FARP1: variants seen among roughly 807,000 people sequenced by gnomAD.
FARP1 encodes the protein FERM, ARH/RhoGEF and pleckstrin domain protein 1, also known as FERM, ARHGEF and pleckstrin domain-containing protein 1.
Under a neutral mutation model 128.8 loss-of-function variants are expected in FARP1, and 52 were observed. That is an observed-to-expected ratio of 0.40 (90% CI 0.32 to 0.51). The LOEUF (loss-of-function observed/expected upper bound fraction) is 0.51. FARP1 is among the 20% of genes least tolerant of loss of function. The pLI is 0.45. For missense variants in FARP1, 1,333 were observed against 1,367.9 expected (o/e 0.97, Z 0.40); for synonymous variants, 580 against 551.8 (o/e 1.05, Z -0.72).
chr13:98,351,343 T>C (rs1888412834), intron 3 of FARP1, among the ~76,000 whole-genome samples: 1 of 152,098 alleles, frequency 6.6e-6, no homozygotes, highest in Admixed American at 6.5e-5. Context: ...CCGGGCGCGG[T>C]GGCTCACGCC....
chr13:98,155,144 C>G (rs1039487905), intron 1 of FARP1, among the ~76,000 whole-genome samples: 1 of 151,978 alleles, frequency 6.6e-6, no homozygotes, highest in Non-Finnish European at 1.5e-5. Flanking sequence ...GTTGGGAGTT[C>G]GAGACCAGCC....
At chr13:98,256,957 A>ATATATATATGTATATG (rs1566801090) in intron 2 of FARP1, among the ~76,000 whole-genome samples, 1 of 83,860 alleles carries the variant, frequency 1.2e-5, no homozygotes, top group Non-Finnish European at 2.1e-5. Flanking sequence ...GGATATATAT[A>ATATATATATGTATATG]TATATATATA....
At position 98,322,129 on chromosome 13, in the gene FARP1, C is replaced by T. The variant is rs547668676; in HGVS notation, c.172-21633C>T. ...CCTGGCCAATGTGGTGAAACCCTGT[C>T]TCTACTAAAAATATAAAAATGAGTG... On this transcript the variant is annotated intron_variant, in intron 2 of 26. Transcript: ENST00000319562. Among the ~76,000 whole-genome samples the T allele has an allele frequency of 2.6e-4, 40 of 152,302 alleles. No homozygotes were observed. In the South Asian group the frequency reaches 5.4e-3, roughly 21 times the overall value.
At chr13:98,435,744 G>C (rs763221879) in intron 19 of FARP1, 38 bp downstream of exon 19, 1 of 1,608,906 alleles carries the variant, frequency 6.2e-7, no homozygotes, top group Non-Finnish European at 8.5e-7. Flanking sequence ...TGCGCGGGGA[G>C]CAGAAAGGAG....
intron 2 of FARP1, among the ~76,000 whole-genome samples, chr13:98,296,866 G>A (rs1344457513): frequency 1.3e-5 from 2 of 151,820 alleles, no homozygotes; most frequent in African/African-American, 2.4e-5. Flanking sequence ...TGTATTTTTT[G>A]TGGGGACAAA....
Position 98,412,178 on chromosome 13 carries a change from T to C in FARP1, c.1826+144T>C. On this transcript the variant is annotated intron_variant, in intron 16 of 26. Transcript: ENST00000319562. ...CAACAAGTCAGCCTTCAAATGATTT[T>C]CAGTTAAATCCTACATGCGTTCAGA... 6 of 777,586 alleles carry C rather than the reference T, an allele frequency of 7.7e-6. No individual in the cohort carries two copies. In the South Asian group the frequency reaches 1.0e-4, roughly 13 times the overall value. 48.2% of individuals were successfully genotyped at this position (777,586 alleles called of 1,614,324 possible).
rs75764301 is a variant in FARP1, at chr13:98,173,653, G to T, written c.-24+30161G>T. On this transcript the variant is annotated intron_variant, in intron 1 of 26. Transcript: ENST00000319562. ...TCATGTTGATTCCGAAGGACTTATT[G>T]ACCATTACGTGTGCCTTCAGTGAAC... Among the ~76,000 whole-genome samples, 487 of 152,304 alleles carry T rather than the reference G, an allele frequency of 3.2e-3. 7 individuals are homozygous for T. Among genetic ancestry groups the T allele is most frequent in the African/African-American group, 0.011 (452 of 41,558 alleles).
intron 1 of FARP1, among the ~76,000 whole-genome samples, chr13:98,191,870 G>A (rs1879251673): frequency 6.6e-6 from 1 of 152,202 alleles, no homozygotes; most frequent in Admixed American, 6.5e-5. Flanking sequence ...TTGAACCCAG[G>A]AGGCAGAGGT....
At chr13:98,287,024 A>T (rs2139648426) in intron 2 of FARP1, among the ~76,000 whole-genome samples, 1 of 152,218 alleles carries the variant, frequency 6.6e-6, no homozygotes, top group African/African-American at 2.4e-5. Flanking sequence ...TAATCTTTGC[A>T]TGTGTTTTCA....
At chr13:98,409,621 G>A (rs1891115714) in intron 14 of FARP1, 96 bp downstream of exon 14, 1 of 1,146,896 alleles carries the variant, frequency 8.7e-7, no homozygotes, top group South Asian at 2.0e-5. Flanking sequence ...TAAGAGCAAA[G>A]GTACCATGTG....
rs752037653 is a variant in FARP1 at position 98,176,707 on chromosome 13, A to C, written c.-24+33215A>C. On this transcript the variant is annotated intron_variant, in intron 1 of 26. Coordinates refer to ENST00000319562, the MANE Select transcript of FARP1 (RefSeq NM_005766.4). This position sits in a 1 kb window ranked among gnomAD's most constrained non-coding sequence, Gnocchi z 6.2. ...GGCGCGCAGATGCCCTGGCGCACGT[A>C]TGGGGCCCTTCCTCGCCATCCCCGA... is the stretch of plus-strand genomic sequence containing the variant. 4 of 1,614,048 alleles carry C rather than the reference A, an allele frequency of 2.5e-6. No homozygotes were observed. The highest frequency in any genetic ancestry group is 3.4e-6 in the Non-Finnish European group (4 of 1,180,034).
intron 2 of FARP1, among the ~76,000 whole-genome samples, chr13:98,232,145 G>GT (rs59209045): frequency 0.031 from 3,276 of 105,716 alleles, 78 homozygotes; most frequent in Non-Finnish European, 0.038. Context: ...TGTTTGGTTG[G>GT]TTTTTTTTTT....
intron 2 of FARP1, among the ~76,000 whole-genome samples, chr13:98,258,047 C>G (rs1430546227): frequency 6.6e-6 from 1 of 152,084 alleles, no homozygotes; most frequent in East Asian, 1.9e-4. Context: ...GATCTTGGCT[C>G]ACTGCAAGCT....
chr13:98,288,499 A>G (rs1354031065), intron 2 of FARP1, among the ~76,000 whole-genome samples: 3 of 152,122 alleles, frequency 2.0e-5, no homozygotes, highest in Non-Finnish European at 4.4e-5. Context: ...TTTCTTATTC[A>G]TGATATTTCT....
intron 3 of FARP1, 42 bp from the exon 4 acceptor site, chr13:98,365,353 A>C: frequency 2.0e-6 from 3 of 1,501,470 alleles, no homozygotes; most frequent in Non-Finnish European, 2.8e-6. Context: ...GCACTCTTTC[A>C]TTGAGAACTT....
At position 98,151,206 on chromosome 13, in the gene FARP1, C is replaced by T. The variant is rs915014266; in HGVS notation, c.-24+7714C>T. Among the ~76,000 whole-genome samples, 10 of 152,118 alleles carry T rather than the reference C, an allele frequency of 6.6e-5. 1 individual carries two copies. The Middle Eastern group carries it at 0.014, about 207-fold the overall frequency. On this transcript the variant is annotated intron_variant, in intron 1 of 26. Coordinates refer to ENST00000319562, the MANE Select transcript of FARP1 (RefSeq NM_005766.4). ...CTTTTATTACAGTGTATTGTCCCTCCGTTTTATTACTGGTTATTGTTAATC... is the reference window on the plus strand; with the variant it reads ...CTTTTATTACAGTGTATTGTCCCTCTGTTTTATTACTGGTTATTGTTAATC...
At position 98,451,309 on chromosome 13, in the gene FARP1, C is replaced by G. The variant is rs568958002; in HGVS notation, c.*2992C>G. ...ATGCCGCCGGCCTCACGTAAGGAAA[C>G]AGTTCCCCACACAGAATACTCCCTG... is the stretch of plus-strand genomic sequence containing the variant. On this transcript the variant is annotated 3_prime_UTR_variant, in exon 27 of 27. Coordinates refer to ENST00000319562, the MANE Select transcript of FARP1 (RefSeq NM_005766.4). The G allele has an allele frequency of 6.6e-6, 1 of 152,182 alleles. No individual in the cohort carries two copies. Among genetic ancestry groups the G allele is most frequent in the East Asian group, 1.9e-4 (1 of 5,190 alleles). 9.4% of individuals were successfully genotyped at this position (152,182 alleles called of 1,614,324 possible).
intron 2 of FARP1, 146 bp from the exon 3 acceptor site, chr13:98,343,616 G>GTCGC: frequency 1.5e-6 from 1 of 655,520 alleles, no homozygotes; most frequent in Non-Finnish European, 2.7e-6. Context: ...GATGGGGCTG[G>GTCGC]CGTTCAGGGT....
intron 3 of FARP1, among the ~76,000 whole-genome samples, chr13:98,351,677 A>G (rs571180379): frequency 2.2e-4 from 34 of 152,168 alleles, no homozygotes; most frequent in African/African-American, 7.2e-4. Flanking sequence ...TGTAGGCTCT[A>G]TAAGCATGGT....
Sources: allele counts gnomAD v4.1 joint callset (sites outside exome capture counted in the v4.1 genomes callset), GRCh38; gene constraint gnomAD v4.1.1; non-coding constraint Gnocchi (gnomAD v3.1); transcripts MANE v1.5; gene names NCBI Gene and HGNC (gene_info 2026-07-23, HGNC 2026-07-21).